Variants in CCDC138 observed in about 807,000 individuals in gnomAD.
CCDC138 encodes the protein coiled-coil domain-containing protein 138.
A neutral mutation model predicts 82.3 loss-of-function variants in CCDC138; 66 were observed. The ratio of observed to expected loss-of-function variants is 0.80; its 90% CI spans 0.66 to 0.98. The LOEUF (loss-of-function observed/expected upper bound fraction) is 0.98. Among genes scored for constraint, CCDC138 ranks in the 50% least tolerant of loss-of-function variants. The pLI, the probability that CCDC138 is intolerant of heterozygous loss-of-function variation, is 0.00. For synonymous variants in CCDC138, 297 were observed against 265.4 expected (o/e 1.12, Z -1.16); for missense variants, 816 against 758.9 (o/e 1.08, Z -0.88).
At chr2:108,839,151 C>T (rs762836501) in intron 10 of CCDC138, 34 bp from the exon 11 acceptor site, 4 of 1,566,816 alleles carry the variant, frequency 2.6e-6, no homozygotes, top group African/African-American at 2.7e-5. Flanking sequence ...AAATACTGTG[C>T]CTTTGTATTT....
At chr2:108,879,414 A>T (rs571508448), downstream of CCDC138, among the ~76,000 whole-genome samples, 62 of 152,330 alleles carry the variant, frequency 4.1e-4, no homozygotes, top group Non-Finnish European at 6.8e-4. Flanking sequence ...AAATCATCCA[A>T]ATTCATTTTA....
At chr2:108,861,584 G>T (rs542374664) in intron 13 of CCDC138, among the ~76,000 whole-genome samples, 1 of 150,076 alleles carries the variant, frequency 6.7e-6, no homozygotes, top group African/African-American at 2.5e-5. Context: ...GGGTTCAAGC[G>T]ATTCTTCTGC....
chr2:108,798,701 C>G (rs1681332432), intron 6 of CCDC138, 115 bp downstream of exon 6: 1 of 676,672 alleles, frequency 1.5e-6, no homozygotes, highest in Admixed American at 3.2e-5. Flanking sequence ...CTCCTCCTCT[C>G]CACGCCTACA....
At chr2:108,787,557 A>C (rs1188142168) in intron 1 of CCDC138, among the ~76,000 whole-genome samples, 1 of 152,232 alleles carries the variant, frequency 6.6e-6, no homozygotes, top group African/African-American at 2.4e-5. Context: ...TAGAGTTCAT[A>C]AGAAATTTCA....
chr2:108,861,225 CT>C (rs2104806450), intron 13 of CCDC138, among the ~76,000 whole-genome samples: 1 of 150,132 alleles, frequency 6.7e-6, no homozygotes, highest in South Asian at 2.1e-4. Context: ...CTCTTTTTTT[CT>C]TTGTTGATCT....
In CCDC138 at chr2:108,876,540, A is replaced by T; in HGVS notation, c.*287A>T. 1 of 205,342 alleles carries T rather than the reference A, an allele frequency of 4.9e-6. No homozygotes were observed. Among genetic ancestry groups the T allele is most frequent in the East Asian group, 1.1e-4 (1 of 9,332 alleles). The allele number at this position is 205,342 out of a possible 1,614,324, so 12.7% of individuals were successfully genotyped here. On this transcript the variant is annotated 3_prime_UTR_variant, in exon 15 of 15. Transcript: ENST00000295124. ...ATTAGGAAAATTATTTCTTAAAATT[A>T]TGTGATTATTTGGAATAAAATTGGT...
chr2:108,793,140 G>C (rs943207353), intron 4 of CCDC138, among the ~76,000 whole-genome samples: 1 of 150,718 alleles, frequency 6.6e-6, no homozygotes, highest in African/African-American at 2.4e-5. Context: ...GGCGGATCAC[G>C]AGGTCAGGAG....
At chr2:108,822,295 C>T (rs1344495581) in intron 10 of CCDC138, among the ~76,000 whole-genome samples, 1 of 151,922 alleles carries the variant, frequency 6.6e-6, no homozygotes, top group African/African-American at 2.4e-5. Flanking sequence ...CATCAGACTT[C>T]TAAAATATTA....
At chr2:108,810,677 G>T (rs1411404562) in intron 7 of CCDC138, among the ~76,000 whole-genome samples, 1 of 152,168 alleles carries the variant, frequency 6.6e-6, no homozygotes, top group Non-Finnish European at 1.5e-5. Flanking sequence ...TTTGTACAAT[G>T]AGTTTGGAAG....
downstream of CCDC138, among the ~76,000 whole-genome samples, chr2:108,880,419 C>G (rs746585086): frequency 2.6e-5 from 4 of 152,176 alleles, no homozygotes; most frequent in Admixed American, 6.5e-5. Context: ...AACTAACTTT[C>G]TCCCATGAAT....
intron 3 of CCDC138, 155 bp from the exon 4 acceptor site, chr2:108,791,520 T>G: frequency 2.4e-6 from 2 of 832,406 alleles, no homozygotes; most frequent in Non-Finnish European, 4.0e-6. Flanking sequence ...TGTTAGTTTT[T>G]ACGTTTTTTC....
chr2:108,792,503 T>A (rs576270760), intron 4 of CCDC138, among the ~76,000 whole-genome samples: 3 of 152,268 alleles, frequency 2.0e-5, no homozygotes, highest in South Asian at 4.1e-4. Flanking sequence ...TGCACCAACC[T>A]CATATTTGAA....
intron 12 of CCDC138, among the ~76,000 whole-genome samples, chr2:108,854,552 G>A (rs1251815237): frequency 6.6e-6 from 1 of 152,154 alleles, no homozygotes; most frequent in Admixed American, 6.5e-5. Context: ...CCTGAGATCA[G>A]AATTGAGGTC....
intron 13 of CCDC138, among the ~76,000 whole-genome samples, chr2:108,867,828 A>ACT (rs1694653601): frequency 6.6e-6 from 1 of 152,256 alleles, no homozygotes; most frequent in Admixed American, 6.5e-5. Flanking sequence ...AGTCATCAGA[A>ACT]CTGGAATAAA....
At chr2:108,835,431 A>G (rs1460516688) in intron 10 of CCDC138, among the ~76,000 whole-genome samples, 2 of 152,232 alleles carry the variant, frequency 1.3e-5, no homozygotes, top group African/African-American at 4.8e-5. Context: ...AAAAAAATTC[A>G]TGGAACTGTT....
chr2:108,831,129 C>G (rs1687518945), intron 10 of CCDC138, among the ~76,000 whole-genome samples: 1 of 151,732 alleles, frequency 6.6e-6, no homozygotes, highest in Non-Finnish European at 1.5e-5. Flanking sequence ...GAGCCAAGAT[C>G]ATGCTGCTTA....
intron 14 of CCDC138, among the ~76,000 whole-genome samples, chr2:108,874,269 A>T (rs1197408732): frequency 6.6e-6 from 1 of 152,072 alleles, no homozygotes; most frequent in East Asian, 1.9e-4. Flanking sequence ...TGGTAACGGG[A>T]TTTATTTTAG....
At chr2:108,806,612 C>T (rs1421514429) in intron 7 of CCDC138, among the ~76,000 whole-genome samples, 1 of 152,156 alleles carries the variant, frequency 6.6e-6, no homozygotes, top group Non-Finnish European at 1.5e-5. Flanking sequence ...AATGCGAAAA[C>T]AGCCATAGGC....
chr2:108,832,689 T>C (rs947185762), intron 10 of CCDC138, among the ~76,000 whole-genome samples: 3 of 152,186 alleles, frequency 2.0e-5, no homozygotes, highest in Non-Finnish European at 4.4e-5. Context: ...TAAGAAAATA[T>C]ATGGAAAAGC....
Sources: gnomAD v4.1 joint callset for allele counts (sites outside exome capture counted in the v4.1 genomes callset) on GRCh38, gnomAD v4.1.1 for gene constraint, MANE v1.5 for transcripts, NCBI Gene and HGNC (gene_info 2026-07-23, HGNC 2026-07-21) for gene names.